Variants in XPO1 observed in about 807,000 individuals in gnomAD.
XPO1 encodes the protein exportin-1.
XPO1 carries 5 observed loss-of-function variants against 133.3 expected under a neutral mutation model. That is an observed-to-expected ratio of 0.04 (90% CI 0.02 to 0.08). The LOEUF (loss-of-function observed/expected upper bound fraction) is 0.08, where lower values mean the gene tolerates loss of function less well. XPO1 is among the 10% of genes least tolerant of loss of function. XPO1 has a pLI of 1.00. For missense variants in XPO1, 506 were observed against 1,267.5 expected (o/e 0.40, Z 9.12); for synonymous variants, 419 against 408.2 (o/e 1.03, Z -0.32).
chr2:61,506,000 C>A lies in XPO1; in HGVS notation c.302-3690G>T, dbSNP rs189450949. Among the ~76,000 whole-genome samples, 508 of 152,322 alleles carry A rather than the reference C, an allele frequency of 3.3e-3. 2 individuals are homozygous for A. The highest frequency in any genetic ancestry group is 5.8e-3 in the Non-Finnish European group (394 of 68,020). ...TCAATAAAACCCCCATGGCCAGGTA[C>A]AGTGGCCCTAGAAACTGTGATTGCC... is the stretch of plus-strand genomic sequence containing the variant. On this transcript the variant is annotated intron_variant, in intron 4 of 24. Coordinates refer to ENST00000401558, the MANE Select transcript of XPO1 (RefSeq NM_003400.4).
At chr2:61,519,531 TAAA>T (rs543883966) in intron 4 of XPO1, among the ~76,000 whole-genome samples, 3 of 122,246 alleles carry the variant, frequency 2.5e-5, no homozygotes, top group East Asian at 2.3e-4. Flanking sequence ...CCATCTCTAC[TAAA>T]AAAAAAAAAA....
chr2:61,501,896 C>T, intron 6 of XPO1, 100 bp downstream of exon 6: 2 of 993,066 alleles, frequency 2.0e-6, no homozygotes, highest in Admixed American at 2.7e-5. Flanking sequence ...ATCACTACTT[C>T]TGCAAAATAT....
chr2:61,491,844 G>A (rs554683565), intron 16 of XPO1, among the ~76,000 whole-genome samples, 191 bp downstream of exon 16: 1 of 152,284 alleles, frequency 6.6e-6, no homozygotes, highest in African/African-American at 2.4e-5. Flanking sequence ...AGGCTGCAGT[G>A]AGCCGTAATT....
intron 1 of XPO1, 165 bp from the exon 2 acceptor site, chr2:61,534,068 T>A: frequency 3.2e-6 from 2 of 615,520 alleles, no homozygotes; most frequent in Non-Finnish European, 4.9e-6. Context: ...TAACAAAAGC[T>A]GAAATTACTT....
chr2:61,531,757 A>G (rs1212978087), intron 2 of XPO1, among the ~76,000 whole-genome samples: 3 of 152,228 alleles, frequency 2.0e-5, no homozygotes, highest in Non-Finnish European at 4.4e-5. Context: ...GAAGAAATGA[A>G]GCTTAAAGCT....
chr2:61,520,894 A>C (rs923606937), intron 4 of XPO1, among the ~76,000 whole-genome samples: 1 of 152,196 alleles, frequency 6.6e-6, no homozygotes, highest in Non-Finnish European at 1.5e-5. Context: ...GGCCAAAATT[A>C]AATCTGGGGC....
At chr2:61,496,219 G>GT (rs934018793) in intron 10 of XPO1, among the ~76,000 whole-genome samples, 1 of 151,562 alleles carries the variant, frequency 6.6e-6, no homozygotes, top group Non-Finnish European at 1.5e-5. Flanking sequence ...ATCTTTCCTT[G>GT]TTTTTTAAAA....
intron 4 of XPO1, among the ~76,000 whole-genome samples, chr2:61,516,131 T>TAAAAAA (rs111496457): frequency 9.3e-6 from 1 of 108,020 alleles, no homozygotes; most frequent in Non-Finnish European, 2.0e-5. Context: ...GTCGCAAAAT[T>TAAAAAA]AAAAAAAAAC....
At chr2:61,522,447 G>C (rs969763372) in intron 4 of XPO1, among the ~76,000 whole-genome samples, 164 bp downstream of exon 4, 2 of 152,072 alleles carry the variant, frequency 1.3e-5, no homozygotes, top group African/African-American at 4.8e-5. Flanking sequence ...TGGCCTTCCT[G>C]TACCCACCAA....
chr2:61,479,074 C>A, intron 24 of XPO1, 108 bp from the exon 25 acceptor site: 1 of 1,317,466 alleles, frequency 7.6e-7, no homozygotes, highest in Non-Finnish European at 1.0e-6. Flanking sequence ...TATAAATTAT[C>A]CATAAAGTGG....
intron 17 of XPO1, among the ~76,000 whole-genome samples, chr2:61,488,998 A>C (rs1696830647): frequency 6.6e-6 from 1 of 151,996 alleles, no homozygotes; most frequent in Non-Finnish European, 1.5e-5. Flanking sequence ...CCTACTCGGG[A>C]GGTTGAGGCA....
chr2:61,518,918 T>A (rs1698545824), intron 4 of XPO1, among the ~76,000 whole-genome samples: 1 of 152,208 alleles, frequency 6.6e-6, no homozygotes, highest in Admixed American at 6.5e-5. Flanking sequence ...TTTGGAAAAT[T>A]AAATGTTCTT....
At chr2:61,486,537 A>C (rs1696704607) in intron 19 of XPO1, among the ~76,000 whole-genome samples, 3 of 152,030 alleles carry the variant, frequency 2.0e-5, no homozygotes, top group African/African-American at 7.3e-5. Context: ...GCTCACTGCA[A>C]GCTCCGCCTC....
intron 12 of XPO1, chr2:61,493,662 G>C: frequency 2.3e-6 from 1 of 443,766 alleles, no homozygotes; most frequent in Non-Finnish European, 4.0e-6. Context: ...GGTGGCCAAT[G>C]AATTTGCCTA....
At chr2:61,504,316 A>C (rs1697690566) in intron 4 of XPO1, among the ~76,000 whole-genome samples, 1 of 152,210 alleles carries the variant, frequency 6.6e-6, no homozygotes, top group Non-Finnish European at 1.5e-5. Context: ...TCCATTCTCC[A>C]AAATCACAGG....
At chr2:61,536,602 C>T (rs762274482) in intron 1 of XPO1, 1 of 152,250 alleles carries the variant, frequency 6.6e-6, no homozygotes, top group Admixed American at 6.5e-5. Flanking sequence ...GGCAATCGCC[C>T]GCTTCATTCA....
chr2:61,525,355 A>G (rs1332110110), intron 3 of XPO1: 2 of 989,002 alleles, frequency 2.0e-6, no homozygotes, highest in African/African-American at 3.5e-5. Context: ...AATCAACATA[A>G]TGGAACATTA....
chr2:61,497,503 G>T (rs761186972), intron 9 of XPO1, among the ~76,000 whole-genome samples: 5 of 152,148 alleles, frequency 3.3e-5, no homozygotes, highest in Non-Finnish European at 2.9e-5. Context: ...GAGCCACAGC[G>T]CCCGGCCTAA....
chr2:61,531,032 G>A (rs755245330), intron 2 of XPO1, among the ~76,000 whole-genome samples: 8 of 152,120 alleles, frequency 5.3e-5, no homozygotes, highest in South Asian at 2.1e-4. Context: ...AATGACTAGA[G>A]AGAGCTTCCA....
Sources: allele counts gnomAD v4.1 joint callset (sites outside exome capture counted in the v4.1 genomes callset), GRCh38; gene constraint gnomAD v4.1.1; transcripts MANE v1.5; gene names NCBI Gene and HGNC (gene_info 2026-07-23, HGNC 2026-07-21).